The following ADAMTS2 variants were observed in gnomAD, a reference collection of about 807,000 sequenced individuals.
ADAMTS2 encodes the protein ADAM metallopeptidase with thrombospondin type 1 motif 2.
Under a neutral mutation model 123.0 loss-of-function variants are expected in ADAMTS2, and 50 were observed. That is an observed-to-expected ratio of 0.41 (90% CI 0.32 to 0.51). ADAMTS2 has a LOEUF of 0.51. Ranked by LOEUF, ADAMTS2 falls within the 20% of genes least tolerant of loss-of-function variation. ADAMTS2 has a pLI of 0.35. For missense variants in ADAMTS2, 1,494 were observed against 1,705.2 expected (o/e 0.88, Z 2.18); for synonymous variants, 678 against 695.4 (o/e 0.98, Z 0.39).
At chr5:179,135,882 C>A (rs745631564) in intron 13 of ADAMTS2, 27 bp downstream of exon 13, 253 of 1,612,360 alleles carry the variant, frequency 1.6e-4, no homozygotes, top group Non-Finnish European at 2.0e-4. Flanking sequence ...ACACGGTAGC[C>A]CCCCGTGCCG....
At chr5:179,224,549 C>T (rs900579160) in intron 3 of ADAMTS2, among the ~76,000 whole-genome samples, 11 of 152,234 alleles carry the variant, frequency 7.2e-5, no homozygotes, top group Non-Finnish European at 1.6e-4. Context: ...TGCTTATTCC[C>T]TCTTCACTGA....
At chr5:179,195,942 C>T (rs1237926668) in intron 4 of ADAMTS2, among the ~76,000 whole-genome samples, 1 of 152,202 alleles carries the variant, frequency 6.6e-6, no homozygotes, top group Non-Finnish European at 1.5e-5. Flanking sequence ...TTCCCAGGAA[C>T]CAGAGCCAGC....
intron 2 of ADAMTS2, among the ~76,000 whole-genome samples, chr5:179,278,210 G>A (rs1312750863): frequency 7.1e-5 from 10 of 140,724 alleles, no homozygotes; most frequent in Admixed American, 1.6e-4. Flanking sequence ...ATCAGCTGAC[G>A]TCCTGCCAAG....
chr5:179,259,135 A>C (rs1364338914), intron 3 of ADAMTS2, among the ~76,000 whole-genome samples: 1 of 152,152 alleles, frequency 6.6e-6, no homozygotes, highest in Non-Finnish European at 1.5e-5. Context: ...TCTGACCTCC[A>C]GTCCCCTCAG....
chr5:179,241,670 A>G (rs1765674339), intron 3 of ADAMTS2, among the ~76,000 whole-genome samples: 1 of 152,208 alleles, frequency 6.6e-6, no homozygotes, highest in African/African-American at 2.4e-5. Flanking sequence ...TACTTGTGCA[A>G]TTTGAATTTA....
intron 3 of ADAMTS2, among the ~76,000 whole-genome samples, chr5:179,214,440 C>T (rs897778984): frequency 6.6e-6 from 1 of 152,182 alleles, no homozygotes; most frequent in Non-Finnish European, 1.5e-5. Flanking sequence ...AAACCAATAA[C>T]CTCAGAAGAA....
rs1229653757 is a variant in ADAMTS2, at chr5:179,329,171, C to CA, written c.534+14595dup. ...TGAAACCCCGTCTCTACTAAAAATA[C>CA]AAAAAATTAGCCGGGTGTGGTGGCG... On this transcript the variant is annotated intron_variant, in intron 2 of 21. Coordinates refer to ENST00000251582, the MANE Select transcript of ADAMTS2 (RefSeq NM_014244.5). Among the ~76,000 whole-genome samples, 95 of 152,048 alleles carry CA rather than the reference C, an allele frequency of 6.2e-4. No homozygotes were observed. In the Middle Eastern group the frequency reaches 0.034, roughly 54 times the overall value.
At chr5:179,239,347 C>A (rs1280526092) in intron 3 of ADAMTS2, among the ~76,000 whole-genome samples, 2 of 152,164 alleles carry the variant, frequency 1.3e-5, no homozygotes, top group Non-Finnish European at 2.9e-5. Flanking sequence ...TCAACCCTAA[C>A]TGCAGAGCTT....
At chr5:179,325,682 G>C (rs747078073) in intron 2 of ADAMTS2, among the ~76,000 whole-genome samples, 1 of 152,260 alleles carries the variant, frequency 6.6e-6, no homozygotes, top group South Asian at 2.1e-4. Context: ...TCTCTCTGCC[G>C]GGCGGCTGGT....
rs532904413 is a variant in ADAMTS2 at position 179,128,640 on chromosome 5, G to A, written c.2458-522C>T. On this transcript the variant is annotated intron_variant, in intron 16 of 21. Transcript: ENST00000251582. This position sits in a 1 kb window ranked among gnomAD's most constrained non-coding sequence, Gnocchi z 4.9. Reference sequence around the variant, plus strand: ...ACTCCTGACCTCAAGTGATCCACCCGCCTCGGCCTCCCAAAGTACTGGGAT... The same window carrying A: ...ACTCCTGACCTCAAGTGATCCACCCACCTCGGCCTCCCAAAGTACTGGGAT... 2.0e-4 allele frequency among the ~76,000 whole-genome samples: 31 copies of A among 152,180 alleles called. No individual in the cohort carries two copies. The highest frequency in any genetic ancestry group is 7.2e-4 in the Admixed American group (11 of 15,286).
rs139130367 is a variant in ADAMTS2, at chr5:179,141,221, C to G, written c.1630-1186G>C. On this transcript the variant is annotated intron_variant, in intron 10 of 21. Coordinates refer to ENST00000251582, the MANE Select transcript of ADAMTS2 (RefSeq NM_014244.5). ...CCATTCCTTGGCAAACTCTTCTCAGCAAACCATTCCTCAGCAAATTCTTTC... is the reference window on the plus strand; with the variant it reads ...CCATTCCTTGGCAAACTCTTCTCAGGAAACCATTCCTCAGCAAATTCTTTC... Among the ~76,000 whole-genome samples the G allele has an allele frequency of 3.0e-4, 45 of 152,286 alleles. 2 individuals carry two copies. The highest frequency in any genetic ancestry group is 1.1e-3 in the African/African-American group (44 of 41,554).
chr5:179,166,453 C>T (rs975201522), intron 5 of ADAMTS2, among the ~76,000 whole-genome samples: 1 of 152,178 alleles, frequency 6.6e-6, no homozygotes, highest in African/African-American at 2.4e-5. Context: ...TGAATGCTCC[C>T]CAGGGCTGTC....
chr5:179,341,949 C>T (rs959411717), intron 2 of ADAMTS2, among the ~76,000 whole-genome samples: 38 of 152,168 alleles, frequency 2.5e-4, no homozygotes, highest in Non-Finnish European at 4.4e-4. Context: ...TGCCAACCTG[C>T]GTCTTTTCCA....
intron 2 of ADAMTS2, among the ~76,000 whole-genome samples, chr5:179,323,183 A>G (rs1459925531): frequency 6.6e-6 from 1 of 152,236 alleles, no homozygotes; most frequent in Non-Finnish European, 1.5e-5. Context: ...GCAGGTCTGC[A>G]CATCTGATGG....
At chr5:179,167,048 C>T (rs1763714701) in intron 5 of ADAMTS2, among the ~76,000 whole-genome samples, 1 of 152,212 alleles carries the variant, frequency 6.6e-6, no homozygotes, top group Non-Finnish European at 1.5e-5. Flanking sequence ...CCCAAAGGGC[C>T]GCCCCGGCAG....
chr5:179,157,864 T>C (rs2113262390), intron 6 of ADAMTS2, among the ~76,000 whole-genome samples: 1 of 152,358 alleles, frequency 6.6e-6, no homozygotes. Context: ...TTTTTATAAA[T>C]ATTTCCCCCA....
Position 179,189,305 on chromosome 5 carries a change from C to T in ADAMTS2, c.892-8150G>A, listed in dbSNP as rs1452144754. Among the ~76,000 whole-genome samples the T allele has an allele frequency of 6.6e-6, 1 of 151,842 alleles. No homozygotes were observed. Among genetic ancestry groups the T allele is most frequent in the African/African-American group, 2.4e-5 (1 of 41,316 alleles). The stretch of plus-strand genomic sequence containing the variant: ...GAGTCAGCAAAGGGTGGTGGGACTA[C>T]CATTCGTTGGTATAGGTTTGGGATA... On this transcript the variant is annotated intron_variant, in intron 4 of 21. Coordinates refer to ENST00000251582, the MANE Select transcript of ADAMTS2 (RefSeq NM_014244.5). The surrounding 1 kb of genome is among the most constrained non-coding windows in gnomAD (Gnocchi z 4.2).
At chr5:179,199,656 G>A (rs557317417) in intron 4 of ADAMTS2, among the ~76,000 whole-genome samples, 11 of 152,128 alleles carry the variant, frequency 7.2e-5, no homozygotes, top group Non-Finnish European at 1.3e-4. Flanking sequence ...CTAGGACCCC[G>A]TACCTGAGGA....
chr5:179,159,357 C>G (rs1038052962), intron 5 of ADAMTS2, among the ~76,000 whole-genome samples: 5 of 152,202 alleles, frequency 3.3e-5, no homozygotes, highest in Non-Finnish European at 7.3e-5. Flanking sequence ...AGCAGATCAC[C>G]TTATACGTTC....
Sources: allele counts gnomAD v4.1 joint callset (sites outside exome capture counted in the v4.1 genomes callset), GRCh38; gene constraint gnomAD v4.1.1; non-coding constraint Gnocchi (gnomAD v3.1); transcripts MANE v1.5; gene names NCBI Gene and HGNC (gene_info 2026-07-23, HGNC 2026-07-21).